The following TUSC3 variants were observed in gnomAD, a reference collection of about 807,000 sequenced individuals.
TUSC3 encodes tumor suppressor candidate 3.
TUSC3 carries 45 observed loss-of-function variants against 44.8 expected under a neutral mutation model. That is an observed-to-expected ratio of 1.00 (90% CI 0.79 to 1.29). The LOEUF is 1.29. Ranked by LOEUF, TUSC3 falls within the 50% of genes most tolerant of loss-of-function variation. The pLI, the probability that TUSC3 is intolerant of heterozygous loss-of-function variation, is 0.00. For synonymous variants in TUSC3, 212 were observed against 152.9 expected (o/e 1.39, Z -2.85); for missense variants, 519 against 437.9 (o/e 1.19, Z -1.65).
intron 2 of TUSC3, among the ~76,000 whole-genome samples, chr8:15,487,992 T>C (rs895439793): frequency 1.3e-4 from 20 of 151,910 alleles, no homozygotes; most frequent in African/African-American, 4.8e-4. Flanking sequence ...ACTCTATTCC[T>C]TAATCTAATA....
At chr8:15,438,749 A>G (rs1047467139) in intron 1 of TUSC3, among the ~76,000 whole-genome samples, 3 of 152,160 alleles carry the variant, frequency 2.0e-5, no homozygotes, top group Non-Finnish European at 2.9e-5. Context: ...CAATTCTCAA[A>G]TTGCACTGAA....
chr8:15,545,557 C>G (rs1481750952), intron 1 of TUSC3, among the ~76,000 whole-genome samples: 1 of 151,698 alleles, frequency 6.6e-6, no homozygotes. Flanking sequence ...CCTGCATTAG[C>G]AAGTTGTGTT....
the TUSC3 span, among the ~76,000 whole-genome samples, chr8:15,832,354 C>T: frequency 2.6e-5 from 4 of 152,224 alleles, no homozygotes; most frequent in African/African-American, 9.6e-5. Flanking sequence ...AGACCTGTGA[C>T]ACTACACATC....
At chr8:15,642,717 A>G (rs1387930302) in intron 2 of TUSC3, among the ~76,000 whole-genome samples, 2 of 152,124 alleles carry the variant, frequency 1.3e-5, no homozygotes, top group Non-Finnish European at 1.5e-5. Context: ...CTTAACAGAT[A>G]TTTTTTGAGT....
intron 6 of TUSC3, among the ~76,000 whole-genome samples, chr8:15,703,172 CTT>C (rs1183654626): frequency 9.9e-5 from 15 of 152,026 alleles, no homozygotes; most frequent in Non-Finnish European, 2.1e-4. Flanking sequence ...TTTCTAAACT[CTT>C]TATGAATTCA....
intron 2 of TUSC3, among the ~76,000 whole-genome samples, chr8:15,516,118 T>C (rs1213753233): frequency 6.6e-6 from 1 of 152,220 alleles, no homozygotes; most frequent in African/African-American, 2.4e-5. Flanking sequence ...TAGTTACTCA[T>C]TGTTAATGAC....
intron 6 of TUSC3, among the ~76,000 whole-genome samples, chr8:15,674,236 C>T (rs902569516): frequency 2.0e-5 from 3 of 151,832 alleles, no homozygotes; most frequent in Admixed American, 1.3e-4. Context: ...ATTAAGAACC[C>T]GGGTGGTCAT....
intron 1 of TUSC3, among the ~76,000 whole-genome samples, chr8:15,582,938 C>G (rs78603681): frequency 0.018 from 2,700 of 152,172 alleles, 76 homozygotes; most frequent in African/African-American, 0.062. Context: ...CTGTATATAC[C>G]TCAAATTGCA....
chr8:15,509,711 C>G (rs1268733353), intron 2 of TUSC3, among the ~76,000 whole-genome samples: 2 of 152,116 alleles, frequency 1.3e-5, no homozygotes, highest in African/African-American at 4.8e-5. Flanking sequence ...ATATTTTGGA[C>G]TTTACCTATT....
chr8:15,828,084 T>C, the TUSC3 span, among the ~76,000 whole-genome samples: 1 of 145,616 alleles, frequency 6.9e-6, no homozygotes, highest in East Asian at 2.0e-4. Context: ...AACCTCCACC[T>C]CCCGGGTTCA....
the TUSC3 span, among the ~76,000 whole-genome samples, chr8:15,793,644 A>G: frequency 6.6e-6 from 1 of 152,192 alleles, no homozygotes. Context: ...TACATAATGT[A>G]TAGTCTGTGC....
intron 6 of TUSC3, among the ~76,000 whole-genome samples, chr8:15,675,973 C>T (rs930407662): frequency 4.6e-5 from 7 of 152,016 alleles, no homozygotes; most frequent in East Asian, 1.9e-4. Context: ...CTGGGTCGAA[C>T]GGTAGTTCTA....
At chr8:15,573,526 CT>C (rs1802972480) in intron 1 of TUSC3, among the ~76,000 whole-genome samples, 1 of 151,880 alleles carries the variant, frequency 6.6e-6, no homozygotes, top group Non-Finnish European at 1.5e-5. Flanking sequence ...ACCTAGCTGG[CT>C]TGGGTTCAGA....
chr8:15,687,892 C>T (rs2129188260), intron 6 of TUSC3, among the ~76,000 whole-genome samples: 1 of 151,834 alleles, frequency 6.6e-6, no homozygotes, highest in South Asian at 2.1e-4. Flanking sequence ...TAATTAAAAC[C>T]ACATGCACAG....
At chr8:15,819,718 A>T in the TUSC3 span, among the ~76,000 whole-genome samples, 1 of 152,218 alleles carries the variant, frequency 6.6e-6, no homozygotes. Context: ...TAGTAATGTT[A>T]CAATATCTCT....
chr8:15,659,307 A>C (rs773830888), intron 3 of TUSC3, among the ~76,000 whole-genome samples, 200 bp from the exon 4 acceptor site: 48 of 152,140 alleles, frequency 3.2e-4, no homozygotes, highest in Non-Finnish European at 6.2e-4. Flanking sequence ...GTGAAGATTC[A>C]GATAACTTAG....
At chr8:15,430,692 C>G (rs1355186384) in intron 1 of TUSC3, among the ~76,000 whole-genome samples, 1 of 151,508 alleles carries the variant, frequency 6.6e-6, no homozygotes, top group Non-Finnish European at 1.5e-5. Context: ...TCAAATTGTC[C>G]CTGTTTGCAG....
At chr8:15,847,324 G>A in the TUSC3 span, among the ~76,000 whole-genome samples, 1 of 152,136 alleles carries the variant, frequency 6.6e-6, no homozygotes, top group Non-Finnish European at 1.5e-5. Context: ...CTCTTTAATT[G>A]CTTTTGGTCT....
At chr8:15,669,006 G>C (rs1279146086) in intron 5 of TUSC3, among the ~76,000 whole-genome samples, 1 of 151,822 alleles carries the variant, frequency 6.6e-6, no homozygotes, top group East Asian at 1.9e-4. Context: ...TTGTGAATTA[G>C]AAGTTACAAT....
Sources: gnomAD v4.1 joint callset for allele counts (sites outside exome capture counted in the v4.1 genomes callset) on GRCh38, gnomAD v4.1.1 for gene constraint, MANE v1.5 for transcripts, NCBI Gene and HGNC (gene_info 2026-07-23, HGNC 2026-07-21) for gene names.